Variants in ELL2 observed in about 807,000 individuals in gnomAD.
The protein encoded by ELL2 is elongation factor for RNA polymerase II 2, also known as RNA polymerase II elongation factor ELL2.
Under a neutral mutation model 72.8 loss-of-function variants are expected in ELL2, and 21 were observed. That is an observed-to-expected ratio of 0.29 (90% CI 0.20 to 0.42). ELL2 has a LOEUF of 0.42. Among genes scored for constraint, ELL2 ranks in the 10% least tolerant of loss-of-function variants. The pLI, the probability that ELL2 is intolerant of heterozygous loss-of-function variation, is 1.00. For missense variants in ELL2, 568 were observed against 772.8 expected, an observed-to-expected ratio of 0.73 and a Z score of 3.14; for synonymous variants, 266 against 283.2, an observed-to-expected ratio of 0.94 and a Z score of 0.61.
chr5:95,955,641 T>C (rs201262415), intron 1 of ELL2, among the ~76,000 whole-genome samples: 1 of 152,244 alleles, frequency 6.6e-6, no homozygotes, highest in East Asian at 1.9e-4. Flanking sequence ...TAATTTATTA[T>C]ATTCTACTCC....
rs1445851875 is a variant in ELL2, at chr5:95,898,603, G to C, written c.1162C>G (p.Pro388Ala). Residue 388 changes from proline to alanine, a missense_variant, in exon 8 of 12, where the codon CCT becomes GCT. This residue lies in a region of ELL2 where 511 missense variants were observed against 728.4 expected (regional missense o/e 0.70). Transcript: ENST00000237853. ...GAGTTAGAATTTACAATCTGAGGAG[G>C]ATGTGAGATGGGCAGATAGGTTGAA... Reference protein sequence around the residue: ...LPSTYLPISHPPQIVNSNSNS... With the variant: ...LPSTYLPISHAPQIVNSNSNS... 1.2e-6 allele frequency: 2 copies of C among 1,613,838 alleles called. No individual in the cohort carries two copies. Among genetic ancestry groups the C allele is most frequent in the Non-Finnish European group, 1.7e-6 (2 of 1,179,838 alleles).
At chr5:95,960,027 C>G (rs951193686) in intron 1 of ELL2, among the ~76,000 whole-genome samples, 1 of 152,278 alleles carries the variant, frequency 6.6e-6, no homozygotes, top group African/African-American at 2.4e-5. Flanking sequence ...GGGTTCACAC[C>G]TCTCCTGCCG....
At position 95,898,447 on chromosome 5, in the gene ELL2, G is replaced by C. The variant is rs139908232; in HGVS notation, c.1318C>G (p.Pro440Ala). 1.7e-4 allele frequency: 278 copies of C among 1,613,656 alleles called. 1 individual carries two copies. In the African/African-American group the frequency reaches 3.5e-3, roughly 20 times the overall value. Residue 440 changes from proline (P) to alanine (A), a missense_variant, in exon 8 of 12, where the codon CCT becomes GCT. Physicochemically the swap from Pro to Ala is conservative, Grantham distance 27. This residue lies in a region of ELL2 where 511 missense variants were observed against 728.4 expected (regional missense o/e 0.70). Transcript: ENST00000237853. ...GGACACTTTAGTAGAACGGAACCAGGGGGTAAGGTTTCCAGAGAAGTCCTA... is the reference window on the plus strand; with the variant it reads ...GGACACTTTAGTAGAACGGAACCAGCGGGTAAGGTTTCCAGAGAAGTCCTA... ...TSRTSLETLP[P>A]GSVLLKCPKP...
chr5:95,888,217 A>G lies in ELL2; in HGVS notation c.*654T>C, dbSNP rs192929688. On this transcript the variant is annotated 3_prime_UTR_variant, in exon 12 of 12. Transcript: ENST00000237853. Reference sequence around the variant, plus strand: ...TAATGATTAACCACACTATGTACACAACTAGCAAACACCTTAAGGCAACCA... The same window carrying G: ...TAATGATTAACCACACTATGTACACGACTAGCAAACACCTTAAGGCAACCA... The G allele has an allele frequency of 6.5e-6, 1 of 152,738 alleles. No individual in the cohort carries two copies. Among genetic ancestry groups the G allele is most frequent in the African/African-American group, 2.4e-5 (1 of 41,552 alleles). The allele number at this position is 152,738 out of a possible 1,614,324, so 9.5% of individuals were successfully genotyped here.
In ELL2 at chr5:95,942,975, G is replaced by C. The variant is rs3734131; in HGVS notation, c.195+27C>G. 5 of 1,537,104 alleles carry C rather than the reference G, an allele frequency of 3.3e-6. 1 individual carries two copies. The East Asian group carries it at 1.2e-4, about 37-fold the overall frequency. ...AATAGCGTGCAAGAACATTAGATTT[G>C]TTTGTTAAATCAATAAGAGTACTCA... On this transcript the variant is annotated intron_variant, in intron 2 of 11. Transcript: ENST00000237853.
In ELL2 at chr5:95,886,750, T is replaced by G. The variant is rs747664416; in HGVS notation, c.*2121A>C. ...TTAGAACTACATCCAAGCCAATGGT[T>G]CTCATACTTTAGCTTGCAGAAAGTC... On this transcript the variant is annotated 3_prime_UTR_variant, in exon 12 of 12. Coordinates refer to ENST00000237853, the MANE Select transcript of ELL2 (RefSeq NM_012081.6). 6.6e-6 allele frequency: 1 copy of G among 151,766 alleles called. No homozygotes were observed. The highest frequency in any genetic ancestry group is 1.5e-5 in the Non-Finnish European group (1 of 67,996). 9.4% of individuals were successfully genotyped at this position (151,766 alleles called of 1,614,324 possible).
intron 3 of ELL2, among the ~76,000 whole-genome samples, chr5:95,916,213 G>A (rs910500762): frequency 5.3e-5 from 8 of 151,966 alleles, no homozygotes; most frequent in Admixed American, 4.6e-4. Flanking sequence ...TAAAGATCAT[G>A]CCCAGGTCAC....
Position 95,927,764 on chromosome 5 carries a change from TACACACACACATATGTGTGTATATAGAC to T in ELL2, c.196-8247_196-8220del, listed in dbSNP as rs1750433840. Among the ~76,000 whole-genome samples the T allele has an allele frequency of 5.7e-5, 4 of 70,162 alleles. 1 individual carries two copies. The highest frequency in any genetic ancestry group is 3.8e-4 in the African/African-American group (4 of 10,564). The allele number at this position is 70,162 out of a possible 152,430, so 46.0% of individuals were successfully genotyped here. ...ACACACATATGTGTGTATATAGACA[TACACACACACATATGTGTGTATATAGAC>T]ATACACACACACATATGTGTGTATA... On this transcript the variant is annotated intron_variant, in intron 2 of 11. Coordinates refer to ENST00000237853, the MANE Select transcript of ELL2 (RefSeq NM_012081.6).
rs187334923 is a variant in ELL2, at chr5:95,907,062, C to T, written c.482-280G>A. Among the ~76,000 whole-genome samples, 174 of 152,048 alleles carry T rather than the reference C, an allele frequency of 1.1e-3. 1 individual carries two copies. Among genetic ancestry groups the T allele is most frequent in the African/African-American group, 4.0e-3 (166 of 41,484 alleles). Reference sequence around the variant, plus strand: ...GCTACAGAAAGATAATAACTAGTAACACAAACTGTAACAACAGACTTGATA... The same window carrying T: ...GCTACAGAAAGATAATAACTAGTAATACAAACTGTAACAACAGACTTGATA... On this transcript the variant is annotated intron_variant, in intron 4 of 11. Transcript: ENST00000237853.
intron 2 of ELL2, among the ~76,000 whole-genome samples, chr5:95,934,760 T>A (rs1452464317): frequency 6.6e-6 from 1 of 152,216 alleles, no homozygotes; most frequent in Admixed American, 6.5e-5. Flanking sequence ...ACCTTTAATA[T>A]CCAGTTTTTC....
At chr5:95,918,534 T>G (rs1182893501) in intron 3 of ELL2, among the ~76,000 whole-genome samples, 1 of 152,220 alleles carries the variant, frequency 6.6e-6, no homozygotes. Context: ...CTCTGCCTCC[T>G]GTACCTGCTG....
chr5:95,907,887 C>T (rs888942080), intron 4 of ELL2, among the ~76,000 whole-genome samples: 4 of 152,200 alleles, frequency 2.6e-5, no homozygotes, highest in Non-Finnish European at 5.9e-5. Context: ...GAAAACAGCT[C>T]ACTGGGGCAG....
At chr5:95,922,175 G>A (rs981069566) in intron 2 of ELL2, among the ~76,000 whole-genome samples, 3 of 151,774 alleles carry the variant, frequency 2.0e-5, no homozygotes, top group African/African-American at 7.3e-5. Context: ...CCATTCTCCT[G>A]CCTCAGCCTC....
chr5:95,938,236 T>A (rs1398215899), intron 2 of ELL2, among the ~76,000 whole-genome samples: 3 of 152,186 alleles, frequency 2.0e-5, no homozygotes, highest in African/African-American at 7.2e-5. Flanking sequence ...AAGTTACCAG[T>A]TAAATGCCAA....
At chr5:95,923,211 C>G (rs1398863607) in intron 2 of ELL2, among the ~76,000 whole-genome samples, 1 of 150,700 alleles carries the variant, frequency 6.6e-6, no homozygotes, top group African/African-American at 2.5e-5. Context: ...ACAATGAGAC[C>G]CTGTGTCTAT....
At chr5:95,911,758 T>C (rs955776525) in intron 4 of ELL2, among the ~76,000 whole-genome samples, 3 of 152,088 alleles carry the variant, frequency 2.0e-5, no homozygotes, top group Non-Finnish European at 2.9e-5. Context: ...CAGGCCATAC[T>C]AAGAAAAGAT....
intron 3 of ELL2, among the ~76,000 whole-genome samples, chr5:95,914,251 C>A (rs1749705190): frequency 6.6e-6 from 1 of 151,964 alleles, no homozygotes; most frequent in Non-Finnish European, 1.5e-5. Flanking sequence ...TAACTGTTAA[C>A]TATTTTAAAG....
chr5:95,923,281 G>A (rs1356031160), intron 2 of ELL2, among the ~76,000 whole-genome samples: 2 of 150,666 alleles, frequency 1.3e-5, no homozygotes, highest in African/African-American at 4.9e-5. Context: ...TCTGCAGAGT[G>A]CTTTCAATCC....
In ELL2 at chr5:95,906,515, G is replaced by A. The variant is rs370541173; in HGVS notation, c.741+8C>T. On this transcript the variant is annotated splice_region_variant and intron_variant, in intron 5 of 11. Coordinates refer to ENST00000237853, the MANE Select transcript of ELL2 (RefSeq NM_012081.6). The stretch of plus-strand genomic sequence containing the variant: ...AAGCAGGAAGGACCTCTCTCCAGCT[G>A]TCCTCACCTGTTGCAGAATTGCTCC... 197 of 1,606,196 alleles carry A rather than the reference G, an allele frequency of 1.2e-4. No individual in the cohort carries two copies. The highest frequency in any genetic ancestry group is 1.4e-4 in the Non-Finnish European group (160 of 1,174,056).
Sources: gnomAD v4.1 joint callset for allele counts (sites outside exome capture counted in the v4.1 genomes callset) on GRCh38, gnomAD v4.1.1 for gene constraint, gnomAD v4.1.1 regional missense constraint, MANE v1.5 for transcripts, NCBI Gene and HGNC (gene_info 2026-07-23, HGNC 2026-07-21) for gene names.